The following MYO9B variants were observed in gnomAD, a reference collection of about 807,000 sequenced individuals.
The protein encoded by MYO9B is unconventional myosin-IXb.
A neutral mutation model predicts 229.5 loss-of-function variants in MYO9B; 71 were observed. The observed-to-expected ratio is 0.31, with a 90% CI of 0.26 to 0.38. The LOEUF is 0.38. Among genes scored for constraint, MYO9B ranks in the 10% least tolerant of loss-of-function variants. The pLI is 1.00. For synonymous variants in MYO9B, 1,185 were observed against 1,235.8 expected, an observed-to-expected ratio of 0.96 and a Z score of 0.86; for missense variants, 2,255 against 2,920.5, an observed-to-expected ratio of 0.77 and a Z score of 5.25.
rs2073025311 is a variant in MYO9B, at chr19:17,194,947, G to A, written c.3520G>A (p.Ala1174Thr). ...CATCCAGTCCTGCAAGGAGGAGAGT[G>A]CCCTCAGAGAACCTTCCAGAAGGGT... ...KHIQSCKEES[A>T]LREPSRRVTQ... Residue 1174 changes from alanine to threonine, a missense_variant, in exon 22 of 40, where the codon GCC becomes ACC. This residue lies in a region of MYO9B where 679 missense variants were observed against 770.2 expected (regional missense o/e 0.88). Transcript: ENST00000682292. 1.9e-6 allele frequency: 3 copies of A among 1,613,292 alleles called. No individual in the cohort carries two copies. The highest frequency in any genetic ancestry group is 1.1e-5 in the South Asian group (1 of 91,090).
intron 1 of MYO9B, among the ~76,000 whole-genome samples, chr19:17,100,488 A>G (rs572334029): frequency 2.0e-5 from 3 of 152,326 alleles, no homozygotes; most frequent in African/African-American, 7.2e-5. Context: ...ACAAAAAAAG[A>G]AAAAGAAAAG....
chr19:17,138,596 TG>T (rs778427984), intron 2 of MYO9B, among the ~76,000 whole-genome samples: 1 of 152,132 alleles, frequency 6.6e-6, no homozygotes, highest in Non-Finnish European at 1.5e-5. Flanking sequence ...GCATTTTTAA[TG>T]GGACTTCCCC....
rs746637334 is a variant in MYO9B, at chr19:17,131,215, G to A, written c.841-14182G>A. The stretch of plus-strand genomic sequence containing the variant: ...CCCAATCATTCTCCCCCACTGGAAG[G>A]CCCCATCACAGTAGTGGGAATAAAG... On this transcript the variant is annotated intron_variant, in intron 2 of 39. Transcript: ENST00000682292. Among the ~76,000 whole-genome samples the A allele has an allele frequency of 5.3e-5, 8 of 152,200 alleles. No homozygotes were observed. The East Asian group carries it at 1.5e-3, about 29-fold the overall frequency.
intron 1 of MYO9B, among the ~76,000 whole-genome samples, chr19:17,076,856 T>C (rs925005044): frequency 6.6e-6 from 1 of 152,134 alleles, no homozygotes; most frequent in Non-Finnish European, 1.5e-5. Context: ...GCTGCATCCT[T>C]GGACTTAAAT....
At chr19:17,160,462 A>C (rs1177967732) in intron 8 of MYO9B, among the ~76,000 whole-genome samples, 1 of 151,904 alleles carries the variant, frequency 6.6e-6, no homozygotes, top group Admixed American at 6.6e-5. Context: ...GTGGGGAAAA[A>C]AGCCAATTTA....
chr19:17,195,583 T>C lies in MYO9B; in HGVS notation c.4046+110T>C. 8 of 1,368,300 alleles carry C rather than the reference T, an allele frequency of 5.8e-6. No individual in the cohort carries two copies. Among genetic ancestry groups the C allele is most frequent in the Non-Finnish European group, 6.9e-6 (7 of 1,010,746 alleles). 84.8% of individuals were successfully genotyped at this position (1,368,300 alleles called of 1,614,324 possible). A position where few individuals can be genotyped will look rare whatever the true frequency, so the allele number is the denominator to read the frequency against. On this transcript the variant is annotated intron_variant, in intron 22 of 39. Coordinates refer to ENST00000682292, the MANE Select transcript of MYO9B (RefSeq NM_004145.4). This position sits in a 1 kb window ranked among gnomAD's most constrained non-coding sequence, Gnocchi z 4.5. ...CACATGTGTAATCATGCCCAGTGGG[T>C]GTGCGGGAGGCCTGAGGGAGGAGGA...
In MYO9B at chr19:17,175,471, C is replaced by T. The variant is rs564567813; in HGVS notation, c.2141-192C>T. 3.0e-4 allele frequency among the ~76,000 whole-genome samples: 45 copies of T among 152,138 alleles called. 1 individual carries two copies. In the South Asian group the frequency reaches 7.1e-3, roughly 24 times the overall value. On this transcript the variant is annotated intron_variant, in intron 13 of 39. Transcript: ENST00000682292. Reference sequence around the variant, plus strand: ...ACAGTGGCCTGTAGTCCTAGCTACTCAGGAGGCGGAGGCAGGAGAATCCCT... The same window carrying T: ...ACAGTGGCCTGTAGTCCTAGCTACTTAGGAGGCGGAGGCAGGAGAATCCCT...
intron 19 of MYO9B, among the ~76,000 whole-genome samples, chr19:17,190,386 T>C (rs971017703): frequency 7.0e-6 from 1 of 143,530 alleles, no homozygotes; most frequent in Non-Finnish European, 1.5e-5. Context: ...GGTTTTGCCA[T>C]GTTGGCCAGG....
Position 17,185,006 on chromosome 19 carries a change from G to A in MYO9B, c.2496+19G>A, listed in dbSNP as rs1475447390. 6.2e-7 allele frequency: 1 copy of A among 1,613,636 alleles called. No homozygotes were observed. The highest frequency in any genetic ancestry group is 1.3e-5 in the African/African-American group (1 of 75,066). On this transcript the variant is annotated intron_variant, in intron 17 of 39. Transcript: ENST00000682292. Reference sequence around the variant, plus strand: ...GTTCCAGGTAGGTGGAGCAGGAGAGGCAGAAGGTGGCGGTCAGCTCAGCCT... The same window carrying A: ...GTTCCAGGTAGGTGGAGCAGGAGAGACAGAAGGTGGCGGTCAGCTCAGCCT...
chr19:17,102,015 C>CTT lies in MYO9B; in HGVS notation c.298_299insTT (p.Pro100LeufsTer37). On this transcript the variant is annotated frameshift_variant, in exon 2 of 40. Coordinates refer to ENST00000682292, the MANE Select transcript of MYO9B (RefSeq NM_004145.4). LOFTEE classifies it high-confidence loss of function. ...GCCCCGGCGGGCACAGGACGAGCAC[C>CTT]CTCAGGAGGATGGCTACTACTTCCT... 6.2e-7 allele frequency: 1 copy of CTT among 1,612,612 alleles called. No individual in the cohort carries two copies. Among genetic ancestry groups the CTT allele is most frequent in the Non-Finnish European group, 8.5e-7 (1 of 1,179,880 alleles).
chr19:17,206,701 G>C lies in MYO9B; in HGVS notation c.5409G>C (p.Gln1803His), dbSNP rs1457827583. The C allele has an allele frequency of 6.3e-7, 1 of 1,581,534 alleles. No individual in the cohort carries two copies. Among genetic ancestry groups the C allele is most frequent in the Non-Finnish European group, 8.6e-7 (1 of 1,164,772 alleles). Residue 1803 changes from glutamine to histidine, a missense_variant, in exon 34 of 40, where the codon CAG (glutamine) becomes CAC (histidine). This residue lies in a region of MYO9B where 416 missense variants were observed against 605.5 expected (regional missense o/e 0.69). Transcript: ENST00000682292. ...CAGAGCTGCCGGAGAAGCAGGAGCA[G>C]CTGGCTGCCATCTATGCCGTCCTGG... Reference protein sequence around the residue: ...RAVELPEKQEQLAAIYAVLEH... With the variant: ...RAVELPEKQEHLAAIYAVLEH...
intron 2 of MYO9B, among the ~76,000 whole-genome samples, chr19:17,104,893 A>G (rs1469811733): frequency 1.3e-5 from 2 of 152,150 alleles, no homozygotes; most frequent in African/African-American, 4.8e-5. Flanking sequence ...CACCTGACTC[A>G]ACTCTACGTT....
chr19:17,164,360 G>A (rs2072636568), intron 10 of MYO9B, among the ~76,000 whole-genome samples: 1 of 151,420 alleles, frequency 6.6e-6, no homozygotes, highest in African/African-American at 2.4e-5. Context: ...TTAGCTCAAG[G>A]ACATTGATAA....
intron 22 of MYO9B, among the ~76,000 whole-genome samples, chr19:17,196,096 T>C (rs2073038988): frequency 7.6e-6 from 1 of 131,166 alleles, no homozygotes; most frequent in Non-Finnish European, 1.6e-5. Flanking sequence ...TATCGATAGA[T>C]GATGGATGGA....
intron 6 of MYO9B, among the ~76,000 whole-genome samples, chr19:17,156,415 C>CA (rs1220265057): frequency 6.6e-6 from 1 of 151,192 alleles, no homozygotes; most frequent in Non-Finnish European, 1.5e-5. Context: ...ACCCTGTTTC[C>CA]AAAAAAAAGA....
At chr19:17,139,336 C>G (rs192380434) in intron 2 of MYO9B, among the ~76,000 whole-genome samples, 129 of 152,146 alleles carry the variant, frequency 8.5e-4, no homozygotes, top group Non-Finnish European at 1.5e-3. Flanking sequence ...GTAATCCTAG[C>G]ACTTTGCAAG....
chr19:17,093,866 TATTTA>T (rs1320401536), intron 1 of MYO9B, among the ~76,000 whole-genome samples: 1 of 146,062 alleles, frequency 6.8e-6, no homozygotes, highest in Non-Finnish European at 1.5e-5. Flanking sequence ...CTAATTTATT[TATTTA>T]TTTATTTATT....
intron 2 of MYO9B, among the ~76,000 whole-genome samples, chr19:17,119,758 T>C: frequency 6.6e-6 from 1 of 152,146 alleles, no homozygotes; most frequent in East Asian, 1.9e-4. Context: ...TTCATGCCAT[T>C]CTTCTGCCTC....
chr19:17,181,769 A>ATTTCGTTC (rs2072864236), intron 15 of MYO9B, among the ~76,000 whole-genome samples: 1 of 151,950 alleles, frequency 6.6e-6, no homozygotes, highest in South Asian at 2.1e-4. Flanking sequence ...TTCGTTCTTT[A>ATTTCGTTC]TTTCGTTCTT....
Sources: allele counts gnomAD v4.1 joint callset (sites outside exome capture counted in the v4.1 genomes callset), GRCh38; gene constraint gnomAD v4.1.1; regional missense constraint gnomAD v4.1.1; non-coding constraint Gnocchi (gnomAD v3.1); transcripts MANE v1.5; gene names NCBI Gene and HGNC (gene_info 2026-07-23, HGNC 2026-07-21).